The following DCDC1 variants were observed in gnomAD, a reference collection of about 807,000 sequenced individuals.
DCDC1 encodes the protein doublecortin domain-containing protein 1.
DCDC1 carries 200 observed loss-of-function variants against 178.3 expected under a neutral mutation model. That is an observed-to-expected ratio of 1.12 (90% confidence interval 1.00 to 1.26). The LOEUF is 1.26. Ranked by LOEUF, DCDC1 falls within the 50% of genes most tolerant of loss-of-function variation. The pLI, the probability that DCDC1 is intolerant of heterozygous loss-of-function variation, is 0.00. For missense variants in DCDC1, 1,983 were observed against 1,749.2 expected (o/e 1.13, Z -2.38); for synonymous variants, 690 against 604.8 (o/e 1.14, Z -2.07).
chr11:31,091,324 C>T (rs983936001), intron 17 of DCDC1, 69 bp downstream of exon 17: 2 of 670,586 alleles, frequency 3.0e-6, no homozygotes, highest in African/African-American at 3.6e-5. Context: ...GGAGGCATCA[C>T]AATTGAACTG....
intron 3 of DCDC1, among the ~76,000 whole-genome samples, chr11:31,313,427 T>C (rs1948881122): frequency 6.6e-6 from 1 of 152,196 alleles, no homozygotes; most frequent in East Asian, 1.9e-4. Context: ...AATAGGTGCA[T>C]CTGTCTTTCA....
intron 18 of DCDC1, among the ~76,000 whole-genome samples, chr11:31,066,328 C>T (rs1956247866): frequency 1.3e-5 from 2 of 152,086 alleles, no homozygotes; most frequent in Admixed American, 6.6e-5. Context: ...TATTATTGTG[C>T]TCATTTTAAA....
chr11:31,099,168 G>C (rs1036425030), intron 15 of DCDC1, among the ~76,000 whole-genome samples: 1 of 152,156 alleles, frequency 6.6e-6, no homozygotes, highest in African/African-American at 2.4e-5. Context: ...TTTTAGGTTT[G>C]AGTTGGTCTC....
chr11:31,299,823 T>C (rs1391646659), intron 6 of DCDC1, among the ~76,000 whole-genome samples: 1 of 152,172 alleles, frequency 6.6e-6, no homozygotes, highest in African/African-American at 2.4e-5. Flanking sequence ...CTTCTTTACT[T>C]CCCATAATAC....
intron 38 of DCDC1, among the ~76,000 whole-genome samples, chr11:30,865,856 A>T (rs892891093): frequency 6.6e-6 from 1 of 152,152 alleles, no homozygotes; most frequent in East Asian, 1.9e-4. Context: ...GAATGTTGCA[A>T]TCTTTAATGG....
intron 20 of DCDC1, among the ~76,000 whole-genome samples, chr11:31,061,547 C>T (rs576007111): frequency 6.6e-6 from 1 of 151,790 alleles, no homozygotes; most frequent in East Asian, 1.9e-4. Flanking sequence ...GTAGATAAAT[C>T]CCTGCCTTAA....
chr11:31,017,398 C>T (rs1952550467), intron 20 of DCDC1, among the ~76,000 whole-genome samples: 1 of 152,040 alleles, frequency 6.6e-6, no homozygotes, highest in African/African-American at 2.4e-5. Flanking sequence ...TTTAAAATAA[C>T]ATTTTCTTTT....
At chr11:31,226,997 A>G (rs1975055166) in intron 9 of DCDC1, among the ~76,000 whole-genome samples, 1 of 152,178 alleles carries the variant, frequency 6.6e-6, no homozygotes, top group Non-Finnish European at 1.5e-5. Context: ...TATGTTTCTT[A>G]CATTATAATG....
chr11:30,985,650 A>G (rs1950602994), intron 20 of DCDC1, among the ~76,000 whole-genome samples: 1 of 152,150 alleles, frequency 6.6e-6, no homozygotes, highest in Non-Finnish European at 1.5e-5. Flanking sequence ...AGTAAATGAG[A>G]TAATAAACTA....
intron 9 of DCDC1, among the ~76,000 whole-genome samples, chr11:31,175,671 T>C (rs1967917340): frequency 1.3e-5 from 2 of 152,176 alleles, no homozygotes; most frequent in South Asian, 4.1e-4. Context: ...AGACATCCTA[T>C]CAACCTCCAT....
At chr11:31,341,595 T>C (rs1950550545) in intron 1 of DCDC1, among the ~76,000 whole-genome samples, 1 of 152,170 alleles carries the variant, frequency 6.6e-6, no homozygotes, top group Non-Finnish European at 1.5e-5. Context: ...TACAAACCTG[T>C]ACAGCATGTA....
In DCDC1 at chr11:30,916,776, C is replaced by G. The variant is rs567453337; in HGVS notation, c.3452+94G>C. On this transcript the variant is annotated intron_variant, in intron 26 of 38. Transcript: ENST00000684477. The stretch of plus-strand genomic sequence containing the variant: ...GCATGTTGATAGAAACAGCAGCTAA[C>G]AGCAGTGAAAACTCTTGGGAATATA... 51 of 1,300,126 alleles carry G rather than the reference C, an allele frequency of 3.9e-5. No individual in the cohort carries two copies. The East Asian group carries it at 1.3e-3, about 33-fold the overall frequency. The allele number at this position is 1,300,126 out of a possible 1,614,324, so 80.5% of individuals were successfully genotyped here.
At chr11:31,044,656 G>A in intron 20 of DCDC1, among the ~76,000 whole-genome samples, 1 of 152,000 alleles carries the variant, frequency 6.6e-6, no homozygotes, top group Non-Finnish European at 1.5e-5. Flanking sequence ...AATTGAATTT[G>A]ACCAACACAC....
At chr11:31,132,133 T>C (rs948712845) in intron 10 of DCDC1, among the ~76,000 whole-genome samples, 2 of 152,248 alleles carry the variant, frequency 1.3e-5, no homozygotes, top group African/African-American at 4.8e-5. Context: ...AATTATCACC[T>C]GATTTTTAAA....
chr11:31,133,383 T>C (rs138085404), intron 10 of DCDC1, among the ~76,000 whole-genome samples: 2 of 152,314 alleles, frequency 1.3e-5, no homozygotes, highest in East Asian at 3.9e-4. Flanking sequence ...CACTTCAATT[T>C]AAGATCAGGA....
intron 1 of DCDC1, among the ~76,000 whole-genome samples, chr11:31,339,144 T>C (rs566805753): frequency 1.3e-5 from 2 of 152,302 alleles, no homozygotes; most frequent in South Asian, 2.1e-4. Context: ...TTTAAGTCAG[T>C]TGGTTGCCTG....
intron 20 of DCDC1, among the ~76,000 whole-genome samples, chr11:31,039,765 C>A (rs933355496): frequency 2.0e-5 from 3 of 152,080 alleles, no homozygotes; most frequent in African/African-American, 7.2e-5. Flanking sequence ...GAAAATTACT[C>A]TTTTAAAAGA....
chr11:30,955,187 TC>T (rs1289252823), intron 20 of DCDC1, among the ~76,000 whole-genome samples: 7 of 152,216 alleles, frequency 4.6e-5, no homozygotes, highest in African/African-American at 1.4e-4. Context: ...GTCAATATCT[TC>T]TGGGCCTGAA....
chr11:31,121,928 T>G (rs552592874), intron 11 of DCDC1, among the ~76,000 whole-genome samples: 14 of 152,202 alleles, frequency 9.2e-5, no homozygotes, highest in Non-Finnish European at 1.6e-4. Flanking sequence ...AAATGGAAAA[T>G]ATATTTGTTT....
Sources: gnomAD v4.1 joint callset for allele counts (sites outside exome capture counted in the v4.1 genomes callset) on GRCh38, gnomAD v4.1.1 for gene constraint, MANE v1.5 for transcripts, NCBI Gene and HGNC (gene_info 2026-07-23, HGNC 2026-07-21) for gene names.